JAZF1: variants seen among roughly 807,000 people sequenced by gnomAD.
JAZF1 encodes juxtaposed with another zinc finger protein 1.
In JAZF1, 8 loss-of-function variants were observed where a neutral mutation model predicts 26.4. That is an observed-to-expected ratio of 0.30 (90% CI 0.18 to 0.55). The LOEUF (loss-of-function observed/expected upper bound fraction) is 0.55. Among genes scored for constraint, JAZF1 ranks in the 20% least tolerant of loss-of-function variants. JAZF1 has a pLI of 0.94. For missense variants in JAZF1, 199 were observed against 322.0 expected (o/e 0.62, Z 2.92); for synonymous variants, 126 against 122.3 (o/e 1.03, Z -0.20).
chr7:28,099,422 C>T (rs1245769799), intron 1 of JAZF1, among the ~76,000 whole-genome samples: 1 of 151,022 alleles, frequency 6.6e-6, no homozygotes, highest in Non-Finnish European at 1.5e-5. Context: ...AACTTCTACA[C>T]TTTGGAATCT....
intron 3 of JAZF1, among the ~76,000 whole-genome samples, chr7:27,868,395 G>A (rs189148732): frequency 6.6e-6 from 1 of 152,284 alleles, no homozygotes; most frequent in Non-Finnish European, 1.5e-5. Flanking sequence ...GTTGACTGCC[G>A]CTTGCTTCTC....
chr7:27,861,078 G>A (rs1356564754), intron 3 of JAZF1, among the ~76,000 whole-genome samples: 2 of 152,144 alleles, frequency 1.3e-5, no homozygotes, highest in Non-Finnish European at 2.9e-5. Context: ...TTGGGTCATG[G>A]GAGGTAAAAT....
intron 1 of JAZF1, among the ~76,000 whole-genome samples, chr7:28,049,801 G>A (rs1783579799): frequency 6.6e-6 from 1 of 152,124 alleles, no homozygotes; most frequent in Admixed American, 6.5e-5. Flanking sequence ...GGCACTGGAC[G>A]AGCTATGGGA....
intron 1 of JAZF1, among the ~76,000 whole-genome samples, chr7:28,111,513 G>T (rs1025716767): frequency 6.6e-6 from 1 of 152,046 alleles, no homozygotes; most frequent in African/African-American, 2.4e-5. Context: ...AAATATCATC[G>T]CTTTCTATCA....
At chr7:27,843,379 T>C (rs1583425697) in intron 3 of JAZF1, 1 of 152,256 alleles carries the variant, frequency 6.6e-6, no homozygotes, top group East Asian at 1.9e-4. Context: ...ACAAGTCTCT[T>C]CCTTGCAGGT....
chr7:27,940,270 A>C (rs555240325), intron 2 of JAZF1, among the ~76,000 whole-genome samples: 7 of 142,156 alleles, frequency 4.9e-5, no homozygotes, highest in Admixed American at 2.9e-4. Context: ...CCTATCTTTC[A>C]CAGGGCCGGG....
In JAZF1 at chr7:28,052,727, C is replaced by G. The variant is rs1032788207; in HGVS notation, c.116-60746G>C. ...ATGTAAAAATAAAACTTGCAAAAACCAAGCTAAGAATCCTAGTTTTAGAAT... is the reference window on the plus strand; with the variant it reads ...ATGTAAAAATAAAACTTGCAAAAACGAAGCTAAGAATCCTAGTTTTAGAAT... On this transcript the variant is annotated intron_variant, in intron 1 of 4. Coordinates refer to ENST00000283928, the MANE Select transcript of JAZF1 (RefSeq NM_175061.4). Among the ~76,000 whole-genome samples, 8 of 151,968 alleles carry G rather than the reference C, an allele frequency of 5.3e-5. No homozygotes were observed. In the East Asian group the frequency reaches 1.3e-3, roughly 26 times the overall value.
chr7:27,913,303 G>A, intron 2 of JAZF1: 1 of 394,174 alleles, frequency 2.5e-6, no homozygotes, highest in Non-Finnish European at 5.1e-6. Context: ...TTGTGTGTGT[G>A]TGTGTAGCCA....
At chr7:28,083,479 T>C (rs1025398211) in intron 1 of JAZF1, among the ~76,000 whole-genome samples, 1 of 152,168 alleles carries the variant, frequency 6.6e-6, no homozygotes, top group African/African-American at 2.4e-5. Flanking sequence ...ACAGCTCACA[T>C]GCTATGTGAA....
chr7:27,883,699 A>C (rs910432878), intron 3 of JAZF1, among the ~76,000 whole-genome samples: 6 of 152,134 alleles, frequency 3.9e-5, no homozygotes, highest in African/African-American at 1.4e-4. Flanking sequence ...GAAACAAAAC[A>C]CTTTGGGTAT....
Position 27,924,712 on chromosome 7 carries a change from T to C in JAZF1, c.189-29296A>G, listed in dbSNP as rs543705753. Among the ~76,000 whole-genome samples the C allele has an allele frequency of 7.7e-4, 117 of 152,254 alleles. 2 individuals carry two copies. The highest frequency in any genetic ancestry group is 8.5e-4 in the Admixed American group (13 of 15,290). Reference sequence around the variant, plus strand: ...CTAATGCTATTTCAATTTGCTGTCATATGAAGGTACCTAGAAAAATGAATG... The same window carrying C: ...CTAATGCTATTTCAATTTGCTGTCACATGAAGGTACCTAGAAAAATGAATG... On this transcript the variant is annotated intron_variant, in intron 2 of 4. Transcript: ENST00000283928.
chr7:27,879,193 A>G (rs1214676853), intron 3 of JAZF1, among the ~76,000 whole-genome samples: 3 of 152,170 alleles, frequency 2.0e-5, no homozygotes, highest in African/African-American at 4.8e-5. Flanking sequence ...GGTAAGGCCA[A>G]TCTTTGAGAA....
chr7:27,894,590 T>G (rs975717010), intron 3 of JAZF1, among the ~76,000 whole-genome samples: 2 of 152,100 alleles, frequency 1.3e-5, no homozygotes, highest in African/African-American at 4.8e-5. Flanking sequence ...TCAGGGAGAC[T>G]GACGGGAAAG....
rs184244896 is a variant in JAZF1 at position 28,131,738 on chromosome 7, C to T, written c.115+48725G>A. On this transcript the variant is annotated intron_variant, in intron 1 of 4. Coordinates refer to ENST00000283928, the MANE Select transcript of JAZF1 (RefSeq NM_175061.4). ...TTGCATAGAGTTTTGCTACCACTCT[C>T]GGAGAGTCAAATATTGCCTAATTTT... Among the ~76,000 whole-genome samples, 282 of 152,264 alleles carry T rather than the reference C, an allele frequency of 1.9e-3. 1 individual carries two copies. Among genetic ancestry groups the T allele is most frequent in the African/African-American group, 6.7e-3 (277 of 41,546 alleles).
rs187053161 is a variant in JAZF1, at chr7:27,964,682, A to T, written c.188+27227T>A. ...GGCTGACACAGTATATTACGTTTTT[A>T]AAAAGAAGTCAAGCAGAAGATGACC... On this transcript the variant is annotated intron_variant, in intron 2 of 4. Transcript: ENST00000283928. 4.0e-5 allele frequency among the ~76,000 whole-genome samples: 6 copies of T among 151,320 alleles called. No individual in the cohort carries two copies. The East Asian group carries it at 1.2e-3, about 30-fold the overall frequency.
intron 1 of JAZF1, among the ~76,000 whole-genome samples, chr7:28,129,544 G>A (rs1782755657): frequency 6.6e-6 from 1 of 152,086 alleles, no homozygotes; most frequent in African/African-American, 2.4e-5. Flanking sequence ...TATTAATATG[G>A]CATAATGAGA....
chr7:27,999,029 T>C (rs1786078963), intron 1 of JAZF1, among the ~76,000 whole-genome samples: 1 of 152,158 alleles, frequency 6.6e-6, no homozygotes, highest in African/African-American at 2.4e-5. Context: ...CACTCTTCAG[T>C]GGTGATGGGG....
intron 1 of JAZF1, among the ~76,000 whole-genome samples, chr7:28,116,902 C>T (rs1338856296): frequency 6.6e-6 from 1 of 152,186 alleles, no homozygotes; most frequent in Non-Finnish European, 1.5e-5. Flanking sequence ...CAGCTCACTG[C>T]AACCTCCGCC....
At position 27,830,675 on chromosome 7, in the gene JAZF1, A is replaced by T. The variant is rs896994784; in HGVS notation, c.*2125T>A. The T allele has an allele frequency of 4.8e-5, 9 of 188,752 alleles. No homozygotes were observed. The highest frequency in any genetic ancestry group is 2.1e-4 in the African/African-American group (9 of 42,946). The allele number at this position is 188,752 out of a possible 1,614,324, so 11.7% of individuals were successfully genotyped here. On this transcript the variant is annotated 3_prime_UTR_variant, in exon 5 of 5. Transcript: ENST00000283928. ...TTTGATTAAATTGCCTTCAGTTCTA[A>T]AACAAACCTCTGTTGCTTTCAGACT... is the stretch of plus-strand genomic sequence containing the variant.
Sources: gnomAD v4.1 joint callset for allele counts (sites outside exome capture counted in the v4.1 genomes callset) on GRCh38, gnomAD v4.1.1 for gene constraint, MANE v1.5 for transcripts, NCBI Gene and HGNC (gene_info 2026-07-23, HGNC 2026-07-21) for gene names.